Variants in MTSS2 observed in about 807,000 individuals in gnomAD.
MTSS2 encodes the protein MTSS I-BAR domain containing 2, also known as protein MTSS 2.
A neutral mutation model predicts 67.1 loss-of-function variants in MTSS2; 27 were observed. The observed-to-expected ratio is 0.40, with a 90% CI of 0.30 to 0.55. The LOEUF (loss-of-function observed/expected upper bound fraction) is 0.55, where lower values mean the gene tolerates loss of function less well. Ranked by LOEUF, MTSS2 falls within the 20% of genes least tolerant of loss-of-function variation. MTSS2 has a pLI of 0.43. For missense variants in MTSS2, 1,171 were observed against 1,067.8 expected (o/e 1.10, Z -1.35); for synonymous variants, 624 against 468.6 (o/e 1.33, Z -4.28).
At chr16:70,669,070 A>G (rs1399463812) in intron 11 of MTSS2, among the ~76,000 whole-genome samples, 2 of 152,184 alleles carry the variant, frequency 1.3e-5, no homozygotes, top group African/African-American at 4.8e-5. Flanking sequence ...GCAAAACCAA[A>G]AGGCTTTTAG....
intron 11 of MTSS2, among the ~76,000 whole-genome samples, chr16:70,666,810 G>A (rs149529387): frequency 7.9e-4 from 120 of 152,322 alleles, no homozygotes; most frequent in African/African-American, 2.0e-3. Context: ...GACACAAGCT[G>A]CTAGAAAGGA....
At chr16:70,682,226 G>T (rs1287645981) in intron 1 of MTSS2, among the ~76,000 whole-genome samples, 1 of 152,226 alleles carries the variant, frequency 6.6e-6, no homozygotes, top group African/African-American at 2.4e-5. Context: ...AGAGGCTGAA[G>T]CAAGAGTGGG....
Position 70,680,032 on chromosome 16 carries a change from C to T in MTSS2, c.229G>A (p.Ala77Thr), listed in dbSNP as rs2053251307. ...TGGCGCATGCACATGCGTGTGAGCG[C>T]CGAGCCGATGTCCCTCGTGGCCCCT... is the stretch of plus-strand genomic sequence containing the variant. ...TRGATRDIGS[A>T]LTRMCMRHRS... The change falls in exon 4 of 15, where the codon GCG becomes ACG. Residue 77 changes from alanine to threonine, a missense_variant. Transcript: ENST00000338779. 6.5e-7 allele frequency: 1 copy of T among 1,531,274 alleles called. No homozygotes were observed. The highest frequency in any genetic ancestry group is 8.7e-7 in the Non-Finnish European group (1 of 1,147,648). The allele number at this position is 1,531,274 out of a possible 1,614,324, so 94.9% of individuals were successfully genotyped here. A position where few individuals can be genotyped will look rare whatever the true frequency, so the allele number is the denominator to read the frequency against.
Position 70,685,849 on chromosome 16 carries a change from C to A in MTSS2, c.-58G>T, listed in dbSNP as rs2053442286. 34 of 1,074,950 alleles carry A rather than the reference C, an allele frequency of 3.2e-5. No homozygotes were observed. Among genetic ancestry groups the A allele is most frequent in the Middle Eastern group, 7.1e-4 (2 of 2,812 alleles). 66.6% of individuals were successfully genotyped at this position (1,074,950 alleles called of 1,614,324 possible). ...GGCGCACGGAGCGCGGGGAGCAGCG[C>A]AAGGGAGGGGGCCAGGCCGCGCGGG... On this transcript the variant is annotated 5_prime_UTR_variant, in exon 1 of 15. Transcript: ENST00000338779.
rs773377552 is a variant in MTSS2, at chr16:70,680,790, C to G, written c.205+4G>C. 3 of 1,551,780 alleles carry G rather than the reference C, an allele frequency of 1.9e-6. No individual in the cohort carries two copies. Among genetic ancestry groups the G allele is most frequent in the Non-Finnish European group, 2.6e-6 (3 of 1,147,666 alleles). ...CCCCAACCTCCAGCCACGCGCCTCC[C>G]CACCTCGGGTGTTGGTAGCCATGTC... On this transcript the variant is annotated splice_donor_region_variant and intron_variant, in intron 3 of 14. Coordinates refer to ENST00000338779, the MANE Select transcript of MTSS2 (RefSeq NM_138383.3).
intron 10 of MTSS2, among the ~76,000 whole-genome samples, chr16:70,674,762 G>A (rs1019204282): frequency 6.6e-6 from 1 of 152,218 alleles, no homozygotes; most frequent in Non-Finnish European, 1.5e-5. Flanking sequence ...GAGGGGAGCC[G>A]TGGTCAGGGA....
intron 11 of MTSS2, among the ~76,000 whole-genome samples, chr16:70,671,860 T>A (rs894846783): frequency 2.0e-5 from 3 of 152,200 alleles, no homozygotes; most frequent in Non-Finnish European, 4.4e-5. Context: ...CGCACTTCTG[T>A]GGTACTCTTG....
chr16:70,674,256 C>T (rs77777813), intron 11 of MTSS2, 50 bp downstream of exon 11: 119,614 of 1,560,782 alleles, frequency 0.077, 5,006 homozygotes, highest in East Asian at 0.1. Context: ...CTGATGCTGG[C>T]ATAAGGCTGC....
At position 70,677,911 on chromosome 16, in the gene MTSS2, G is replaced by A; in HGVS notation, c.625-12C>T. ...GTCAGCTCTCCATTCTGAGGAAGCAGCGAGTCAGACCTGCTGGCCCTATCG... is the reference window on the plus strand; with the variant it reads ...GTCAGCTCTCCATTCTGAGGAAGCAACGAGTCAGACCTGCTGGCCCTATCG... On this transcript the variant is annotated splice_polypyrimidine_tract_variant and intron_variant, in intron 8 of 14. Coordinates refer to ENST00000338779, the MANE Select transcript of MTSS2 (RefSeq NM_138383.3). The A allele has an allele frequency of 6.3e-7, 1 of 1,578,910 alleles. No individual in the cohort carries two copies. The highest frequency in any genetic ancestry group is 8.6e-7 in the Non-Finnish European group (1 of 1,162,278).
In MTSS2 at chr16:70,678,470, A is replaced by G; in HGVS notation, c.467-61T>C. ...GCCAGCCTGGCTTGCCACACCCACA[A>G]ATGGGCTCAGACCCTGGTGGTGGCA... On this transcript the variant is annotated intron_variant, in intron 7 of 14. Transcript: ENST00000338779. 5 of 1,560,472 alleles carry G rather than the reference A, an allele frequency of 3.2e-6. No homozygotes were observed. The South Asian group carries it at 4.8e-5, about 15-fold the overall frequency.
intron 8 of MTSS2, 37 bp downstream of exon 8, chr16:70,678,215 C>A: frequency 6.4e-7 from 1 of 1,571,338 alleles, no homozygotes. Flanking sequence ...CTGGGCCCAG[C>A]CCACCCCTCT....
rs1413171579 is a variant in MTSS2, at chr16:70,678,004, C to T, written c.625-105G>A. The T allele has an allele frequency of 1.8e-5, 19 of 1,057,506 alleles. No individual in the cohort carries two copies. The Admixed American group carries it at 3.3e-4, about 18-fold the overall frequency. 65.5% of individuals were successfully genotyped at this position (1,057,506 alleles called of 1,614,324 possible). A position where few individuals can be genotyped will look rare whatever the true frequency, so the allele number is the denominator to read the frequency against. On this transcript the variant is annotated intron_variant, in intron 8 of 14. Transcript: ENST00000338779. ...CCTTGTCGGGCCTCTCCTCTCTCAC[C>T]CCTCCTCGCTAACCAATGCTGCTCG...
intron 11 of MTSS2, among the ~76,000 whole-genome samples, chr16:70,669,915 T>G (rs11640399): frequency 0.39 from 58,512 of 151,762 alleles, 13,229 homozygotes; most frequent in Non-Finnish European, 0.5. Flanking sequence ...CCCACTAGAA[T>G]GGCTAAAATG....
intron 11 of MTSS2, among the ~76,000 whole-genome samples, chr16:70,671,313 G>T (rs1224901142): frequency 6.6e-6 from 1 of 151,552 alleles, no homozygotes. Context: ...TGAGGCAGGG[G>T]AATGGCTTGA....
In MTSS2 at chr16:70,664,704, C is replaced by T. The variant is rs150527194; in HGVS notation, c.1365G>A (p.Leu455=). ...GGCTGCTCTTCTGGTGCTCCAGGCT[C>T]AGGCCCCGCGTCAGCACCATGGCCA... is the stretch of plus-strand genomic sequence containing the variant. The part of the protein sequence containing the change: ...SDLAMVLTRG[L]SLEHQKSSRD... The change falls in exon 14 of 15, where the codon CTG becomes CTA. Residue 455 remains leucine (L), a synonymous_variant. Transcript: ENST00000338779. The T allele has an allele frequency of 6.0e-5, 96 of 1,613,082 alleles. No homozygotes were observed. The highest frequency in any genetic ancestry group is 8.0e-5 in the Non-Finnish European group (94 of 1,179,846).
Position 70,663,831 on chromosome 16 carries a change from G to C in MTSS2, c.2090C>G (p.Thr697Ser). 3.9e-6 allele frequency: 6 copies of C among 1,538,152 alleles called. No homozygotes were observed. Among genetic ancestry groups the C allele is most frequent in the Non-Finnish European group, 5.2e-6 (6 of 1,144,940 alleles). ...ALGEGQFPFP[T>S]ALSATPTEET... ...CTCCGTGGGGGTGGCCGACAGAGCA[G>C]TGGGGAAGGGGAACTGGCCCTCACC... Residue 697 changes from threonine to serine, a missense_variant, in exon 15 of 15, where the codon ACT becomes AGT. This residue lies in a region of MTSS2 where 924 missense variants were observed against 756.0 expected (regional missense o/e 1.22). Transcript: ENST00000338779.
At chr16:70,678,718 C>T (rs1226604828) in intron 7 of MTSS2, among the ~76,000 whole-genome samples, 1 of 152,242 alleles carries the variant, frequency 6.6e-6, no homozygotes, top group East Asian at 1.9e-4. Context: ...TCGCTGGCCT[C>T]CACCTGGGGT....
intron 11 of MTSS2, among the ~76,000 whole-genome samples, chr16:70,669,818 T>TAAA (rs3058050): frequency 1.6e-3 from 226 of 145,766 alleles, no homozygotes; most frequent in Middle Eastern, 3.5e-3. Flanking sequence ...CTCTGTCTCA[T>TAAA]AAAAAAAAAA....
At position 70,663,636 on chromosome 16, in the gene MTSS2, T is replaced by C; in HGVS notation, c.*41A>G. On this transcript the variant is annotated 3_prime_UTR_variant, in exon 15 of 15. Coordinates refer to ENST00000338779, the MANE Select transcript of MTSS2 (RefSeq NM_138383.3). ...CCTGCGGCTCACAGACCAGGCCACC[T>C]GCTCGCACTGGGGCCTGAGAGGATG... 7 of 1,513,156 alleles carry C rather than the reference T, an allele frequency of 4.6e-6. No homozygotes were observed. Among genetic ancestry groups the C allele is most frequent in the Non-Finnish European group, 6.2e-6 (7 of 1,130,230 alleles). 93.7% of individuals were successfully genotyped at this position (1,513,156 alleles called of 1,614,324 possible).
Sources: gnomAD v4.1 joint callset for allele counts (sites outside exome capture counted in the v4.1 genomes callset) on GRCh38, gnomAD v4.1.1 for gene constraint, gnomAD v4.1.1 regional missense constraint, MANE v1.5 for transcripts, NCBI Gene and HGNC (gene_info 2026-07-23, HGNC 2026-07-21) for gene names.